MEMO1: variants seen among roughly 807,000 people sequenced by gnomAD.
The protein encoded by MEMO1 is protein MEMO1.
A neutral mutation model predicts 45.2 loss-of-function variants in MEMO1; 6 were observed. The observed-to-expected ratio is 0.13, with a 90% CI of 0.07 to 0.26. MEMO1 has a LOEUF of 0.26. MEMO1 is among the 10% of genes least tolerant of loss of function. MEMO1 has a pLI of 1.00. For missense variants in MEMO1, 184 were observed against 370.5 expected (o/e 0.50, Z 4.13); for synonymous variants, 78 against 124.3 (o/e 0.63, Z 2.48).
chr2:31,979,846 C>T (rs1019368006), intron 2 of MEMO1, among the ~76,000 whole-genome samples: 2 of 151,772 alleles, frequency 1.3e-5, no homozygotes, highest in African/African-American at 4.8e-5. Flanking sequence ...AGCAGGGGCT[C>T]GTTTGTACTT....
At chr2:31,917,739 C>T (rs1234461347) in intron 6 of MEMO1, among the ~76,000 whole-genome samples, 187 bp downstream of exon 6, 2 of 152,158 alleles carry the variant, frequency 1.3e-5, no homozygotes, top group Admixed American at 6.5e-5. Context: ...CATGTCAATT[C>T]GTATGTTCAG....
chr2:31,979,841 G>C (rs1007986458), intron 2 of MEMO1, among the ~76,000 whole-genome samples: 8 of 151,792 alleles, frequency 5.3e-5, no homozygotes, highest in African/African-American at 1.5e-4. Flanking sequence ...ACTGTAGCAG[G>C]GGCTCGTTTG....
chr2:31,870,935 T>C (rs1460166779), intron 8 of MEMO1, among the ~76,000 whole-genome samples: 3 of 152,218 alleles, frequency 2.0e-5, no homozygotes, highest in Admixed American at 1.3e-4. Flanking sequence ...TTTATCTCTT[T>C]ATTCTTTAAG....
chr2:32,008,444 CG>C (rs1436652017), intron 2 of MEMO1, among the ~76,000 whole-genome samples: 2 of 152,108 alleles, frequency 1.3e-5, no homozygotes, highest in African/African-American at 2.4e-5. Context: ...ATTAGCTGGG[CG>C]TGGTGGCGCG....
At chr2:31,876,638 G>C (rs1398451034) in intron 8 of MEMO1, among the ~76,000 whole-genome samples, 1 of 151,922 alleles carries the variant, frequency 6.6e-6, no homozygotes, top group Non-Finnish European at 1.5e-5. Flanking sequence ...TGTCTTAAAG[G>C]CAACAGCAAA....
intron 2 of MEMO1, among the ~76,000 whole-genome samples, chr2:31,986,495 T>A (rs550437106): frequency 9.0e-4 from 137 of 152,190 alleles, no homozygotes; most frequent in African/African-American, 3.0e-3. Context: ...AATAATAATA[T>A]AACTGTTACC....
intron 2 of MEMO1, among the ~76,000 whole-genome samples, chr2:31,963,734 G>A (rs900662773): frequency 6.6e-6 from 1 of 152,152 alleles, no homozygotes; most frequent in Non-Finnish European, 1.5e-5. Context: ...CACACCAAGA[G>A]AGTCAGGCAT....
At chr2:31,868,565 A>G (rs966368126) in intron 9 of MEMO1, 73 bp from the exon 10 acceptor site, 2 of 1,378,996 alleles carry the variant, frequency 1.5e-6, no homozygotes, top group Non-Finnish European at 1.9e-6. Flanking sequence ...TTGCGGTTTG[A>G]CTTTGTCCAC....
intron 8 of MEMO1, among the ~76,000 whole-genome samples, chr2:31,881,259 G>C (rs1221336483): frequency 6.6e-6 from 1 of 151,818 alleles, no homozygotes; most frequent in Non-Finnish European, 1.5e-5. Context: ...GGAGGCCAAG[G>C]AGGGTGGATC....
At chr2:31,981,046 T>G (rs1049961634) in intron 2 of MEMO1, among the ~76,000 whole-genome samples, 1 of 152,150 alleles carries the variant, frequency 6.6e-6, no homozygotes, top group African/African-American at 2.4e-5. Context: ...GTACACCAAT[T>G]CAGAAGAAAC....
At chr2:31,918,190 T>C (rs950729584) in intron 5 of MEMO1, among the ~76,000 whole-genome samples, 153 bp from the exon 6 acceptor site, 10 of 148,440 alleles carry the variant, frequency 6.7e-5, no homozygotes, top group Non-Finnish European at 6.0e-5. Context: ...AACAAAACAA[T>C]AGAAAGAAAG....
intron 7 of MEMO1, 23 bp from the exon 8 acceptor site, chr2:31,883,485 A>G: frequency 6.6e-7 from 1 of 1,512,314 alleles, no homozygotes; most frequent in Non-Finnish European, 8.9e-7. Context: ...ATCATGTACA[A>G]AATAAAATAG....
intron 2 of MEMO1, among the ~76,000 whole-genome samples, chr2:31,963,473 C>A (rs1285802422): frequency 6.6e-6 from 1 of 152,082 alleles, no homozygotes; most frequent in Non-Finnish European, 1.5e-5. Flanking sequence ...TGGTAGGAAA[C>A]AAATTCATTA....
At chr2:31,958,059 G>C (rs1181599418) in intron 2 of MEMO1, among the ~76,000 whole-genome samples, 4 of 152,136 alleles carry the variant, frequency 2.6e-5, no homozygotes, top group Admixed American at 2.0e-4. Context: ...TGAGTGATGG[G>C]AAATGGGCAT....
chr2:31,918,807 T>C (rs1306998857), intron 5 of MEMO1, among the ~76,000 whole-genome samples: 1 of 152,156 alleles, frequency 6.6e-6, no homozygotes, highest in Non-Finnish European at 1.5e-5. Context: ...ATTAGATCCT[T>C]AAATGGGTTT....
At chr2:31,973,544 A>T (rs1288810174) in intron 2 of MEMO1, among the ~76,000 whole-genome samples, 3 of 152,218 alleles carry the variant, frequency 2.0e-5, no homozygotes, top group Non-Finnish European at 4.4e-5. Flanking sequence ...CACAAAAGCC[A>T]AAAGGTGGAA....
chr2:31,870,802 T>G (rs895842007), intron 8 of MEMO1, among the ~76,000 whole-genome samples: 1 of 152,178 alleles, frequency 6.6e-6, no homozygotes, highest in Non-Finnish European at 1.5e-5. Context: ...GGTCTTGAAC[T>G]CCTGACCTCA....
intron 2 of MEMO1, among the ~76,000 whole-genome samples, chr2:31,973,660 T>C (rs1027091594): frequency 3.3e-5 from 5 of 152,204 alleles, no homozygotes; most frequent in Non-Finnish European, 5.9e-5. Context: ...TACTGATATA[T>C]GCTACTATGT....
intron 2 of MEMO1, among the ~76,000 whole-genome samples, chr2:31,979,065 C>T (rs1293958016): frequency 6.6e-6 from 1 of 152,284 alleles, no homozygotes; most frequent in East Asian, 1.9e-4. Flanking sequence ...CACAGGTCCA[C>T]ATGGCTGGGG....
Sources: allele counts gnomAD v4.1 joint callset (sites outside exome capture counted in the v4.1 genomes callset), GRCh38; gene constraint gnomAD v4.1.1; transcripts MANE v1.5; gene names NCBI Gene and HGNC (gene_info 2026-07-23, HGNC 2026-07-21).